ITGAV: variants seen among roughly 807,000 people sequenced by gnomAD.
The protein encoded by ITGAV is integrin alpha-V.
ITGAV carries 76 observed loss-of-function variants against 143.8 expected under a neutral mutation model. The ratio of observed to expected loss-of-function variants is 0.53; its 90% CI spans 0.44 to 0.64. ITGAV has a LOEUF of 0.64. ITGAV is among the 30% of genes least tolerant of loss of function. ITGAV has a pLI of 0.00. For synonymous variants in ITGAV, 453 were observed against 446.7 expected (o/e 1.01, Z -0.18); for missense variants, 1,193 against 1,274.7 (o/e 0.94, Z 0.98).
intron 3 of ITGAV, among the ~76,000 whole-genome samples, chr2:186,622,748 CCT>C (rs781081352): frequency 2.6e-5 from 4 of 151,450 alleles, no homozygotes; most frequent in African/African-American, 4.8e-5. Flanking sequence ...TTTAATACTT[CCT>C]CTCTCTCTCT....
chr2:186,629,163 G>T (rs1277718257), intron 4 of ITGAV, among the ~76,000 whole-genome samples: 1 of 152,004 alleles, frequency 6.6e-6, no homozygotes, highest in Non-Finnish European at 1.5e-5. Flanking sequence ...AATGGGAGAA[G>T]TATTAACCAT....
At chr2:186,614,742 A>T (rs1687305800) in intron 2 of ITGAV, among the ~76,000 whole-genome samples, 1 of 151,692 alleles carries the variant, frequency 6.6e-6, no homozygotes, top group South Asian at 2.1e-4. Flanking sequence ...TACTCTTCTG[A>T]CACATCTATT....
At chr2:186,594,449 G>C (rs140172403) in intron 1 of ITGAV, among the ~76,000 whole-genome samples, 1 of 152,086 alleles carries the variant, frequency 6.6e-6, no homozygotes, top group African/African-American at 2.4e-5. Context: ...AGGTTTTCTT[G>C]ATTCCATCTC....
At chr2:186,664,706 T>C (rs543051166) in intron 20 of ITGAV, 65 bp downstream of exon 20, 2 of 1,584,228 alleles carry the variant, frequency 1.3e-6, no homozygotes, top group East Asian at 2.2e-5. Flanking sequence ...TAATGAGCTG[T>C]TCCCCTATTT....
intron 2 of ITGAV, among the ~76,000 whole-genome samples, chr2:186,618,550 C>T (rs570796142): frequency 6.6e-6 from 1 of 152,310 alleles, no homozygotes; most frequent in East Asian, 1.9e-4. Context: ...CTTTGCAAGC[C>T]TATGCTGCTT....
chr2:186,590,709 C>G (rs953925638), intron 1 of ITGAV, among the ~76,000 whole-genome samples, 186 bp downstream of exon 1: 7 of 152,162 alleles, frequency 4.6e-5, no homozygotes, highest in Non-Finnish European at 8.8e-5. Context: ...CCTTTGGTAC[C>G]CATCACCCAG....
At chr2:186,600,189 C>T (rs1297966025) in intron 1 of ITGAV, 20 of 710,854 alleles carry the variant, frequency 2.8e-5, no homozygotes, top group South Asian at 2.1e-4. Flanking sequence ...TTGTCCCCTC[C>T]TTCAGCCATA....
chr2:186,661,189 T>G (rs1688732825), intron 18 of ITGAV, among the ~76,000 whole-genome samples: 1 of 152,234 alleles, frequency 6.6e-6, no homozygotes, highest in South Asian at 2.1e-4. Flanking sequence ...GAATGTATTA[T>G]ATACTTTTAA....
At chr2:186,622,030 T>C (rs1687540549) in intron 2 of ITGAV, among the ~76,000 whole-genome samples, 1 of 152,208 alleles carries the variant, frequency 6.6e-6, no homozygotes, top group African/African-American at 2.4e-5. Context: ...TCATACGTAT[T>C]TGTTTAATAG....
At chr2:186,601,997 T>G in intron 1 of ITGAV, 24 bp from the exon 2 acceptor site, 1 of 1,599,016 alleles carries the variant, frequency 6.3e-7, no homozygotes, top group Non-Finnish European at 8.5e-7. Context: ...ATTTAAACTT[T>G]GGTCTGCCGC....
In ITGAV at chr2:186,646,860, A is replaced by C; in HGVS notation, c.1334A>C (p.Asp445Ala). ...GYSMKGATDI[D>A]KNGYPDLIVG... ...TCAATGAAAGGAGCCACAGATATAGACAAAAATGGATATCCAGGTGCTTTC... is the reference window on the plus strand; with the variant it reads ...TCAATGAAAGGAGCCACAGATATAGCCAAAAATGGATATCCAGGTGCTTTC... The change falls in exon 13 of 30, where the codon GAC (aspartate) becomes GCC (alanine). Residue 445 changes from aspartate to alanine, a missense_variant. Coordinates refer to ENST00000261023, the MANE Select transcript of ITGAV (RefSeq NM_002210.5). 1 of 1,588,184 alleles carries C rather than the reference A, an allele frequency of 6.3e-7. No homozygotes were observed. Among genetic ancestry groups the C allele is most frequent in the Non-Finnish European group, 8.6e-7 (1 of 1,162,622 alleles).
Position 186,677,426 on chromosome 2 carries a change from T to G in ITGAV, c.*134T>G. 1 of 640,050 alleles carries G rather than the reference T, an allele frequency of 1.6e-6. No individual in the cohort carries two copies. Among genetic ancestry groups the G allele is most frequent in the Non-Finnish European group, 2.8e-6 (1 of 359,642 alleles). 39.6% of individuals were successfully genotyped at this position (640,050 alleles called of 1,614,324 possible). A position where few individuals can be genotyped will look rare whatever the true frequency, so the allele number is the denominator to read the frequency against. On this transcript the variant is annotated 3_prime_UTR_variant, in exon 30 of 30. Transcript: ENST00000261023. ...GTGCTAATTGGCATTAACCACAAAA[T>G]GAGAATTATATTTGTCAACCTTCTC...
At chr2:186,602,751 C>A (rs1686947295) in intron 2 of ITGAV, among the ~76,000 whole-genome samples, 1 of 152,034 alleles carries the variant, frequency 6.6e-6, no homozygotes, top group Admixed American at 6.6e-5. Context: ...GTGGCGCCTG[C>A]CTGTAATCCC....
Position 186,651,968 on chromosome 2 carries a change from C to T in ITGAV, c.1398-14C>T, listed in dbSNP as rs1409804107. The T allele has an allele frequency of 2.0e-6, 3 of 1,494,378 alleles. No homozygotes were observed. Among genetic ancestry groups the T allele is most frequent in the Middle Eastern group, 1.8e-4 (1 of 5,678 alleles). 92.6% of individuals were successfully genotyped at this position (1,494,378 alleles called of 1,614,324 possible). A position where few individuals can be genotyped will look rare whatever the true frequency, so the allele number is the denominator to read the frequency against. On this transcript the variant is annotated splice_polypyrimidine_tract_variant and intron_variant, in intron 14 of 29. Transcript: ENST00000261023. Reference sequence around the variant, plus strand: ...ATAATTTTTTACTTCATCTTCTTTTCCCTCCCCCGCTAGGGCCAGACCAGT... The same window carrying T: ...ATAATTTTTTACTTCATCTTCTTTTTCCTCCCCCGCTAGGGCCAGACCAGT...
intron 10 of ITGAV, among the ~76,000 whole-genome samples, chr2:186,640,542 T>C (rs935707908): frequency 6.6e-6 from 1 of 152,218 alleles, no homozygotes; most frequent in Non-Finnish European, 1.5e-5. Flanking sequence ...TCTGTGACTA[T>C]ATATCTTTGT....
chr2:186,676,801 T>C lies in ITGAV; in HGVS notation c.2929-12T>C. ...GACTGTTTTTAAAACTAAAAGCTTT[T>C]TTCCTCGATAGGTTACCACTAATGT... On this transcript the variant is annotated splice_polypyrimidine_tract_variant and intron_variant, in intron 28 of 29. Coordinates refer to ENST00000261023, the MANE Select transcript of ITGAV (RefSeq NM_002210.5). The C allele has an allele frequency of 1.2e-6, 2 of 1,609,470 alleles. No homozygotes were observed. The highest frequency in any genetic ancestry group is 1.7e-6 in the Non-Finnish European group (2 of 1,178,854).
chr2:186,642,285 A>ACTAGTTT (rs1283378518), intron 12 of ITGAV, among the ~76,000 whole-genome samples: 1 of 152,158 alleles, frequency 6.6e-6, no homozygotes, highest in African/African-American at 2.4e-5. Flanking sequence ...GGATAGTTGA[A>ACTAGTTT]CTAGTTTGTG....
chr2:186,609,419 A>G (rs1378833408), intron 2 of ITGAV, among the ~76,000 whole-genome samples: 5 of 152,172 alleles, frequency 3.3e-5, no homozygotes, highest in Non-Finnish European at 7.4e-5. Context: ...TTAGCTTTTA[A>G]AGAAGACAGA....
rs1217035034 is a variant in ITGAV, at chr2:186,678,730, T to A, written c.*1438T>A. On this transcript the variant is annotated 3_prime_UTR_variant, in exon 30 of 30. Coordinates refer to ENST00000261023, the MANE Select transcript of ITGAV (RefSeq NM_002210.5). ...TGGGGATGATGATCAGTTATACCTA[T>A]TTTTGTGCAATTACATCATGTTGTA... 1 of 455,898 alleles carries A rather than the reference T, an allele frequency of 2.2e-6. No individual in the cohort carries two copies. 28.2% of individuals were successfully genotyped at this position (455,898 alleles called of 1,614,324 possible). A position where few individuals can be genotyped will look rare whatever the true frequency, so the allele number is the denominator to read the frequency against.
Sources: gnomAD v4.1 joint callset for allele counts (sites outside exome capture counted in the v4.1 genomes callset) on GRCh38, gnomAD v4.1.1 for gene constraint, MANE v1.5 for transcripts, NCBI Gene and HGNC (gene_info 2026-07-23, HGNC 2026-07-21) for gene names.